RAB38: variants seen among roughly 807,000 people sequenced by gnomAD.
RAB38 encodes RAB38, member RAS oncogene family.
Under a neutral mutation model 18.4 loss-of-function variants are expected in RAB38, and 15 were observed. The ratio of observed to expected loss-of-function variants is 0.82; its 90% confidence interval spans 0.55 to 1.26. The LOEUF (loss-of-function observed/expected upper bound fraction) is 1.26. Among genes scored for constraint, RAB38 ranks in the 50% most tolerant of loss-of-function variants. The probability of loss-of-function intolerance (pLI) is 0.00; values close to 1 mark genes in which losing one functional copy is unlikely to be tolerated. For missense variants in RAB38, 294 were observed against 267.4 expected, an observed-to-expected ratio of 1.10 and a Z score of -0.69; for synonymous variants, 101 against 104.4, an observed-to-expected ratio of 0.97 and a Z score of 0.20.
chr11:88,019,994 G>A, the RAB38 span, among the ~76,000 whole-genome samples: 65 of 152,176 alleles, frequency 4.3e-4, no homozygotes, highest in African/African-American at 1.5e-3. Flanking sequence ...AGTGCCTGGT[G>A]TATGGTTCTC....
the RAB38 span, among the ~76,000 whole-genome samples, chr11:87,918,489 TCCCA>T: frequency 3.9e-5 from 6 of 152,112 alleles, no homozygotes; most frequent in Admixed American, 3.9e-4. Flanking sequence ...TAATTTACAT[TCCCA>T]CCAACAGTGT....
chr11:87,936,903 A>G, the RAB38 span, among the ~76,000 whole-genome samples: 233 of 152,180 alleles, frequency 1.5e-3, 1 homozygote, highest in Admixed American at 3.6e-3. Flanking sequence ...GGTAATTTCT[A>G]TGTATACAAC....
chr11:88,088,037 G>A, the RAB38 span, among the ~76,000 whole-genome samples: 1 of 151,856 alleles, frequency 6.6e-6, no homozygotes, highest in African/African-American at 2.4e-5. Flanking sequence ...GCCCTGCCTA[G>A]CATTGGAGGT....
At chr11:88,046,939 T>C in the RAB38 span, among the ~76,000 whole-genome samples, 53 of 152,272 alleles carry the variant, frequency 3.5e-4, no homozygotes, top group South Asian at 0.01. Context: ...TGCAGGGCTG[T>C]GCAGGCAGAA....
the RAB38 span, among the ~76,000 whole-genome samples, chr11:88,004,489 A>T: frequency 1.3e-5 from 2 of 151,326 alleles, no homozygotes. Context: ...ATCATAAAGG[A>T]CAACTATGAA....
downstream of RAB38, among the ~76,000 whole-genome samples, chr11:88,109,648 C>G (rs1339781372): frequency 1.3e-5 from 2 of 152,086 alleles, no homozygotes; most frequent in Non-Finnish European, 2.9e-5. Context: ...TATTCAGAAT[C>G]TACAAACAAC....
chr11:88,034,763 C>T, the RAB38 span, among the ~76,000 whole-genome samples: 14 of 150,642 alleles, frequency 9.3e-5, no homozygotes, highest in South Asian at 2.1e-4. Flanking sequence ...TGGATACCTA[C>T]GATATTTCTG....
intron 1 of RAB38, among the ~76,000 whole-genome samples, chr11:88,159,829 C>G (rs2134842676): frequency 6.6e-6 from 1 of 152,060 alleles, no homozygotes; most frequent in Non-Finnish European, 1.5e-5. Context: ...AACATTAATT[C>G]AAGATGGAAT....
chr11:87,927,843 G>A, the RAB38 span, among the ~76,000 whole-genome samples: 1 of 152,090 alleles, frequency 6.6e-6, no homozygotes, highest in South Asian at 2.1e-4. Context: ...GAGGCAGGAG[G>A]ATCATTTGAG....
chr11:87,955,610 T>C, the RAB38 span, among the ~76,000 whole-genome samples: 1 of 152,176 alleles, frequency 6.6e-6, no homozygotes, highest in Non-Finnish European at 1.5e-5. Flanking sequence ...TAGCTAACTA[T>C]AAGCCAAACT....
chr11:88,087,633 T>A, the RAB38 span, among the ~76,000 whole-genome samples: 2 of 151,948 alleles, frequency 1.3e-5, no homozygotes, highest in African/African-American at 2.4e-5. Flanking sequence ...TAAACCCAAT[T>A]TAAATTGCAT....
chr11:87,854,987 G>A, the RAB38 span, among the ~76,000 whole-genome samples: 277 of 152,084 alleles, frequency 1.8e-3, no homozygotes, highest in African/African-American at 6.2e-3. Context: ...AGTAGAGATC[G>A]GGTTTCACTG....
the RAB38 span, chr11:87,880,042 A>C: frequency 6.6e-6 from 1 of 151,780 alleles, no homozygotes; most frequent in African/African-American, 2.4e-5. Flanking sequence ...TTCAGATATA[A>C]AATGAATGAA....
At chr11:88,010,838 C>G in the RAB38 span, among the ~76,000 whole-genome samples, 2 of 152,104 alleles carry the variant, frequency 1.3e-5, no homozygotes, top group African/African-American at 4.8e-5. Flanking sequence ...TTACCTTCCT[C>G]GTAGTCACCT....
chr11:87,941,237 A>ATATATATATATATATATATATG, the RAB38 span, among the ~76,000 whole-genome samples: 226 of 123,624 alleles, frequency 1.8e-3, no homozygotes, highest in Non-Finnish European at 2.7e-3. Context: ...ATATATATAT[A>ATATATATATATATATATATATG]TATATATATG....
chr11:87,847,588 T>C, the RAB38 span, among the ~76,000 whole-genome samples: 1 of 152,130 alleles, frequency 6.6e-6, no homozygotes, highest in Admixed American at 6.6e-5. Context: ...ATGAATATGC[T>C]TCCCTTGGGG....
the RAB38 span, among the ~76,000 whole-genome samples, chr11:88,019,885 T>C: frequency 1.6e-4 from 24 of 152,328 alleles, no homozygotes; most frequent in South Asian, 3.9e-3. Flanking sequence ...CATATGATAG[T>C]ACTTAATATA....
At chr11:87,976,287 T>TATATAC in the RAB38 span, among the ~76,000 whole-genome samples, 1 of 144,626 alleles carries the variant, frequency 6.9e-6, no homozygotes, top group Admixed American at 7.2e-5. Context: ...TATATATATA[T>TATATAC]ATACATACAC....
At chr11:88,028,786 C>G in the RAB38 span, among the ~76,000 whole-genome samples, 1 of 152,146 alleles carries the variant, frequency 6.6e-6, no homozygotes, top group African/African-American at 2.4e-5. Flanking sequence ...GAGAATGGAA[C>G]CAAGTTGGAA....
Sources: gnomAD v4.1 joint callset for allele counts (sites outside exome capture counted in the v4.1 genomes callset) on GRCh38, gnomAD v4.1.1 for gene constraint, MANE v1.5 for transcripts, NCBI Gene and HGNC (gene_info 2026-07-23, HGNC 2026-07-21) for gene names.